Variants in SORCS2 observed in about 807,000 individuals in gnomAD.
SORCS2 encodes sortilin related VPS10 domain containing receptor 2.
SORCS2 carries 100 observed loss-of-function variants against 141.6 expected under a neutral mutation model. The ratio of observed to expected loss-of-function variants is 0.71; its 90% CI spans 0.60 to 0.83. The LOEUF (loss-of-function observed/expected upper bound fraction) is 0.83, where lower values mean the gene tolerates loss of function less well. Among genes scored for constraint, SORCS2 ranks in the 40% least tolerant of loss-of-function variants. The pLI is 0.00. For missense variants in SORCS2, 1,646 were observed against 1,560.2 expected, an observed-to-expected ratio of 1.05 and a Z score of -0.93; for synonymous variants, 789 against 676.9, an observed-to-expected ratio of 1.17 and a Z score of -2.57.
chr4:7,274,866 A>T (rs1409954338), intron 1 of SORCS2, among the ~76,000 whole-genome samples: 1 of 152,046 alleles, frequency 6.6e-6, no homozygotes, highest in Non-Finnish European at 1.5e-5. Flanking sequence ...CTTGGGTTCA[A>T]CACCCTGCTC....
At chr4:7,376,376 A>G (rs1324950249) in intron 1 of SORCS2, among the ~76,000 whole-genome samples, 9 of 152,130 alleles carry the variant, frequency 5.9e-5, no homozygotes, top group Non-Finnish European at 1.2e-4. Context: ...CAGGACTTTG[A>G]GAGCAGCCTG....
chr4:7,535,789 G>A (rs1712070732), intron 3 of SORCS2, among the ~76,000 whole-genome samples: 1 of 150,996 alleles, frequency 6.6e-6, no homozygotes, highest in Non-Finnish European at 1.5e-5. Context: ...ATGGAACAGA[G>A]GCCTCACCTG....
intron 3 of SORCS2, among the ~76,000 whole-genome samples, chr4:7,557,837 G>A (rs76267353): frequency 5.9e-5 from 9 of 152,316 alleles, no homozygotes; most frequent in Non-Finnish European, 1.2e-4. Context: ...GCCCCATGCC[G>A]ACGTGAAGAG....
Position 7,314,037 on chromosome 4 carries a change from A to G in SORCS2, c.481-82251A>G, listed in dbSNP as rs749595340. 5.3e-5 allele frequency among the ~76,000 whole-genome samples: 8 copies of G among 152,232 alleles called. No homozygotes were observed. In the East Asian group the frequency reaches 1.5e-3, roughly 29 times the overall value. ...CTGGGATTTTGTCCAGGAAACTTCC[A>G]GAAACTTTCCCAGAGGCTGGAGCCC... On this transcript the variant is annotated intron_variant, in intron 1 of 26. Coordinates refer to ENST00000507866, the MANE Select transcript of SORCS2 (RefSeq NM_020777.3).
At chr4:7,498,671 A>C (rs949939387) in intron 2 of SORCS2, among the ~76,000 whole-genome samples, 1 of 152,216 alleles carries the variant, frequency 6.6e-6, no homozygotes, top group Non-Finnish European at 1.5e-5. Flanking sequence ...CCCTGATCCC[A>C]AGATCATATG....
chr4:7,614,984 G>C (rs913738485), intron 3 of SORCS2, among the ~76,000 whole-genome samples: 2 of 151,500 alleles, frequency 1.3e-5, no homozygotes, highest in South Asian at 4.2e-4. Context: ...TAGCTCTCGA[G>C]CCAGTGCTCC....
intron 23 of SORCS2, 143 bp downstream of exon 23, chr4:7,729,855 G>C (rs1577131300): frequency 1.6e-6 from 2 of 1,241,388 alleles, no homozygotes; most frequent in Non-Finnish European, 2.2e-6. Context: ...AGGGTGGCTT[G>C]ACCTCGTCCA....
At chr4:7,445,581 A>G (rs57770503) in intron 2 of SORCS2, among the ~76,000 whole-genome samples, 82,785 of 151,758 alleles carry the variant, frequency 0.55, 23,382 homozygotes, top group Middle Eastern at 0.61. Flanking sequence ...TTCTGTTCAG[A>G]AGCTGGGCGC....
chr4:7,705,250 G>C (rs984509733), intron 14 of SORCS2, among the ~76,000 whole-genome samples: 1 of 152,110 alleles, frequency 6.6e-6, no homozygotes, highest in South Asian at 2.1e-4. Flanking sequence ...CCAGGAGCTG[G>C]AAGGGGCAGG....
At position 7,421,912 on chromosome 4, in the gene SORCS2, G is replaced by A. The variant is rs915705528; in HGVS notation, c.548+25557G>A. Among the ~76,000 whole-genome samples, 16 of 28,658 alleles carry A rather than the reference G, an allele frequency of 5.6e-4. No homozygotes were observed. In the South Asian group the frequency reaches 0.021, roughly 38 times the overall value. 18.8% of individuals were successfully genotyped at this position (28,658 alleles called of 152,430 possible). A position where few individuals can be genotyped will look rare whatever the true frequency, so the allele number is the denominator to read the frequency against. ...TTGCAGGAGAGGGAGGGCAGGGGCT[G>A]GGGCGGGGCTGGGCATCACGCTCCC... On this transcript the variant is annotated intron_variant, in intron 2 of 26. Coordinates refer to ENST00000507866, the MANE Select transcript of SORCS2 (RefSeq NM_020777.3).
chr4:7,616,598 G>T (rs1462534653), intron 3 of SORCS2, among the ~76,000 whole-genome samples: 1 of 152,200 alleles, frequency 6.6e-6, no homozygotes, highest in Non-Finnish European at 1.5e-5. Context: ...CCCGATCTCT[G>T]TGGGTTGGTT....
chr4:7,522,901 TCCCTCCTCCCTCTTCTCTC>T (rs1456703614), intron 2 of SORCS2, among the ~76,000 whole-genome samples: 3 of 1,004 alleles, frequency 3.0e-3, no homozygotes, highest in Non-Finnish European at 8.4e-3. Context: ...TCTTCTCTCC[TCCCTCCTCCCTCTTCTCTC>T]CTCCCTGTTC....
At chr4:7,334,522 T>C (rs1470353307) in intron 1 of SORCS2, among the ~76,000 whole-genome samples, 1 of 152,130 alleles carries the variant, frequency 6.6e-6, no homozygotes, top group Non-Finnish European at 1.5e-5. Context: ...TGGGGGGTGC[T>C]CAGTGAGCAT....
intron 1 of SORCS2, among the ~76,000 whole-genome samples, chr4:7,389,830 G>A (rs1321373262): frequency 4.6e-5 from 7 of 152,198 alleles, no homozygotes; most frequent in African/African-American, 7.2e-5. Flanking sequence ...AGTGCAGTCC[G>A]CGGTAGTGAG....
chr4:7,654,972 G>A (rs1206456186), intron 5 of SORCS2, among the ~76,000 whole-genome samples: 1 of 152,130 alleles, frequency 6.6e-6, no homozygotes, highest in Admixed American at 6.5e-5. Context: ...GGGGGCACTC[G>A]GCTTTCCTTG....
intron 1 of SORCS2, among the ~76,000 whole-genome samples, chr4:7,216,779 G>A (rs188884144): frequency 3.3e-5 from 5 of 152,234 alleles, no homozygotes; most frequent in Admixed American, 2.6e-4. Flanking sequence ...TTTCTACAAG[G>A]GAACCCATGC....
At position 7,740,979 on chromosome 4, in the gene SORCS2, C is replaced by G. The variant is rs1712625723; in HGVS notation, c.*715C>G. ...TCTCCTCTGCCCAGAGGGGCAGCAG[C>G]TCTCCCTGGTTCTCCCCAGGGCAGA... On this transcript the variant is annotated 3_prime_UTR_variant, in exon 27 of 27. Transcript: ENST00000507866. 3 of 398,376 alleles carry G rather than the reference C, an allele frequency of 7.5e-6. No homozygotes were observed. Among genetic ancestry groups the G allele is most frequent in the Non-Finnish European group, 1.3e-5 (3 of 226,274 alleles). The allele number at this position is 398,376 out of a possible 1,614,324, so 24.7% of individuals were successfully genotyped here.
chr4:7,729,392 T>C (rs1727445542), intron 22 of SORCS2, among the ~76,000 whole-genome samples, 195 bp from the exon 23 acceptor site: 1 of 151,960 alleles, frequency 6.6e-6, no homozygotes, highest in South Asian at 2.1e-4. Context: ...CTGAGGGCCC[T>C]GGGTAGCTGG....
chr4:7,600,304 C>G (rs1467115364), intron 3 of SORCS2, among the ~76,000 whole-genome samples: 1 of 152,168 alleles, frequency 6.6e-6, no homozygotes, highest in Non-Finnish European at 1.5e-5. Flanking sequence ...ATGGGTGTCA[C>G]TGGGCCAAAA....
Sources: gnomAD v4.1 joint callset for allele counts (sites outside exome capture counted in the v4.1 genomes callset) on GRCh38, gnomAD v4.1.1 for gene constraint, MANE v1.5 for transcripts, NCBI Gene and HGNC (gene_info 2026-07-23, HGNC 2026-07-21) for gene names.